The following SPIDR variants were observed in gnomAD, a reference collection of about 807,000 sequenced individuals.
SPIDR encodes the protein DNA repair-scaffolding protein.
In SPIDR, 93 loss-of-function variants were observed where a neutral mutation model predicts 104.6. The observed-to-expected ratio is 0.89, with a 90% CI of 0.75 to 1.06. SPIDR has a LOEUF of 1.06. SPIDR is among the 50% of genes least tolerant of loss of function. The pLI is 0.00. For synonymous variants in SPIDR, 431 were observed against 416.9 expected (o/e 1.03, Z -0.41); for missense variants, 1,154 against 1,111.2 (o/e 1.04, Z -0.55).
intron 10 of SPIDR, among the ~76,000 whole-genome samples, chr8:47,647,613 C>CAAAAGAGA (rs1554540025): frequency 4.9e-5 from 1 of 20,494 alleles, no homozygotes; most frequent in African/African-American, 1.1e-4. Context: ...GACTCCATCT[C>CAAAAGAGA]GAAAGAGAGA....
intron 8 of SPIDR, among the ~76,000 whole-genome samples, chr8:47,558,044 A>G (rs1422015265): frequency 2.6e-5 from 4 of 152,230 alleles, no homozygotes; most frequent in African/African-American, 9.6e-5. Context: ...AAGTGAATTA[A>G]CGCAGAAACA....
chr8:47,489,840 C>T (rs1256657563), intron 8 of SPIDR, among the ~76,000 whole-genome samples: 10 of 152,110 alleles, frequency 6.6e-5, no homozygotes, highest in African/African-American at 1.9e-4. Flanking sequence ...ACACCTTATA[C>T]ACCAATTAAT....
intron 3 of SPIDR, among the ~76,000 whole-genome samples, chr8:47,290,495 T>C (rs2039708309): frequency 6.6e-6 from 1 of 152,216 alleles, no homozygotes. Context: ...GGGTGAAGGA[T>C]ACAAGAGTTT....
At chr8:47,294,587 G>T (rs1412961615) in intron 5 of SPIDR, among the ~76,000 whole-genome samples, 1 of 152,098 alleles carries the variant, frequency 6.6e-6, no homozygotes, top group South Asian at 2.1e-4. Context: ...GCATATAGTC[G>T]TACTCGTGGC....
At chr8:47,606,124 T>C (rs896836065) in intron 10 of SPIDR, among the ~76,000 whole-genome samples, 1 of 152,200 alleles carries the variant, frequency 6.6e-6, no homozygotes, top group African/African-American at 2.4e-5. Flanking sequence ...CGGAAGTTCC[T>C]CTGGAATAAA....
intron 11 of SPIDR, among the ~76,000 whole-genome samples, chr8:47,685,501 A>AT (rs1326028640): frequency 1.0e-4 from 11 of 110,224 alleles, no homozygotes; most frequent in Non-Finnish European, 2.2e-4. Context: ...TTATTTATTT[A>AT]TTTATTTATT....
rs1474928120 is a variant in SPIDR, at chr8:47,501,177, A to C, written c.1097+60635A>C. Among the ~76,000 whole-genome samples, 4 of 152,324 alleles carry C rather than the reference A, an allele frequency of 2.6e-5. No homozygotes were observed. The East Asian group carries it at 7.7e-4, about 29-fold the overall frequency. On this transcript the variant is annotated intron_variant, in intron 8 of 19. Transcript: ENST00000297423. Reference sequence around the variant, plus strand: ...TAAAGTAGTTTTTTCCAATTCTGTGAAGAAAGTCATTGGTAGCTTGATGGG... The same window carrying C: ...TAAAGTAGTTTTTTCCAATTCTGTGCAGAAAGTCATTGGTAGCTTGATGGG...
At chr8:47,397,180 A>G (rs1588150758) in intron 6 of SPIDR, among the ~76,000 whole-genome samples, 1 of 152,226 alleles carries the variant, frequency 6.6e-6, no homozygotes, top group South Asian at 2.1e-4. Flanking sequence ...TGACCAAACA[A>G]TGCCAAGCAA....
At chr8:47,404,539 G>A (rs1177532872) in intron 6 of SPIDR, among the ~76,000 whole-genome samples, 1 of 152,124 alleles carries the variant, frequency 6.6e-6, no homozygotes, top group Non-Finnish European at 1.5e-5. Flanking sequence ...AAGTGGGCAA[G>A]GGATATGAAC....
At chr8:47,557,169 T>C (rs1246986715) in intron 8 of SPIDR, among the ~76,000 whole-genome samples, 3 of 152,210 alleles carry the variant, frequency 2.0e-5, no homozygotes, top group East Asian at 3.8e-4. Context: ...ATTTATAATA[T>C]TATTTCTCTG....
chr8:47,323,907 ATTAG>A (rs1554598562), intron 5 of SPIDR, among the ~76,000 whole-genome samples: 1 of 152,178 alleles, frequency 6.6e-6, no homozygotes, highest in African/African-American at 2.4e-5. Context: ...ATTGGAAACT[ATTAG>A]TTAAACATTT....
At chr8:47,462,482 A>G (rs1464691791) in intron 8 of SPIDR, among the ~76,000 whole-genome samples, 1 of 152,148 alleles carries the variant, frequency 6.6e-6, no homozygotes, top group Non-Finnish European at 1.5e-5. Flanking sequence ...CCTCCTGTCT[A>G]TCATTTTCCC....
intron 8 of SPIDR, among the ~76,000 whole-genome samples, chr8:47,588,829 C>T (rs935683913): frequency 6.6e-6 from 1 of 152,070 alleles, no homozygotes; most frequent in Non-Finnish European, 1.5e-5. Context: ...CTAATGTAAT[C>T]ATCTGATTTT....
intron 7 of SPIDR, among the ~76,000 whole-genome samples, chr8:47,420,319 T>C (rs1428991376): frequency 6.6e-6 from 1 of 152,166 alleles, no homozygotes; most frequent in African/African-American, 2.4e-5. Flanking sequence ...TGCATATATA[T>C]TTAGGATAGT....
chr8:47,649,381 C>T (rs962578261), intron 10 of SPIDR, among the ~76,000 whole-genome samples: 4 of 152,152 alleles, frequency 2.6e-5, no homozygotes, highest in Non-Finnish European at 5.9e-5. Context: ...AGGGTTCATG[C>T]TGTACAGAAT....
intron 1 of SPIDR, among the ~76,000 whole-genome samples, chr8:47,276,088 G>A (rs1437478670): frequency 2.0e-5 from 3 of 152,200 alleles, no homozygotes; most frequent in South Asian, 2.1e-4. Context: ...CTCAAACTCC[G>A]GGGCTCAAGT....
intron 8 of SPIDR, among the ~76,000 whole-genome samples, chr8:47,459,051 T>C (rs782597816): frequency 6.6e-6 from 1 of 152,184 alleles, no homozygotes; most frequent in Non-Finnish European, 1.5e-5. Context: ...TAGTATTTTG[T>C]TAAGGGTTTT....
chr8:47,330,898 A>G, intron 5 of SPIDR: 1 of 407,466 alleles, frequency 2.5e-6, no homozygotes, highest in Middle Eastern at 3.6e-4. Context: ...TTGTATTGGT[A>G]AGAGTATTTT....
chr8:47,557,036 A>T (rs934107010), intron 8 of SPIDR, among the ~76,000 whole-genome samples: 3 of 152,112 alleles, frequency 2.0e-5, no homozygotes, highest in Admixed American at 2.0e-4. Flanking sequence ...CTTAGACTGC[A>T]TTTTCCCAGA....
Sources: gnomAD v4.1 joint callset for allele counts (sites outside exome capture counted in the v4.1 genomes callset) on GRCh38, gnomAD v4.1.1 for gene constraint, MANE v1.5 for transcripts, NCBI Gene and HGNC (gene_info 2026-07-23, HGNC 2026-07-21) for gene names.